The following RNF8 variants were observed in gnomAD, a reference collection of about 807,000 sequenced individuals.
The protein encoded by RNF8 is ring finger protein 8, also known as E3 ubiquitin-protein ligase RNF8.
In RNF8, 8 loss-of-function variants were observed where a neutral mutation model predicts 59.3. The ratio of observed to expected loss-of-function variants is 0.13; its 90% CI spans 0.08 to 0.24. The LOEUF (loss-of-function observed/expected upper bound fraction) is 0.24. Ranked by LOEUF, RNF8 falls within the 10% of genes least tolerant of loss-of-function variation. RNF8 has a pLI of 1.00. For missense variants in RNF8, 406 were observed against 572.6 expected, an observed-to-expected ratio of 0.71 and a Z score of 2.97; for synonymous variants, 162 against 200.0, an observed-to-expected ratio of 0.81 and a Z score of 1.60.
chr6:37,381,029 G>A, intron 6 of RNF8, 121 bp from the exon 7 acceptor site: 1 of 830,036 alleles, frequency 1.2e-6, no homozygotes, highest in South Asian at 1.5e-5. Flanking sequence ...CTTAAGATGG[G>A]ATTGTTGTTA....
chr6:37,362,575 TC>T (rs1769369467), intron 2 of RNF8, among the ~76,000 whole-genome samples: 1 of 152,112 alleles, frequency 6.6e-6, no homozygotes, highest in African/African-American at 2.4e-5. Flanking sequence ...TACAAGTAAA[TC>T]CCCCCTGCCC....
chr6:37,387,966 A>G (rs980507177), intron 7 of RNF8, among the ~76,000 whole-genome samples: 2 of 152,200 alleles, frequency 1.3e-5, no homozygotes, highest in Non-Finnish European at 2.9e-5. Context: ...TGGGTCATGC[A>G]GGGTGTTACA....
intron 7 of RNF8, among the ~76,000 whole-genome samples, chr6:37,387,406 T>A (rs1283393116): frequency 6.6e-6 from 1 of 152,192 alleles, no homozygotes; most frequent in Non-Finnish European, 1.5e-5. Context: ...AGTGGCATGA[T>A]CTCAGCTCAC....
chr6:37,357,900 G>A (rs1769179259), intron 1 of RNF8, among the ~76,000 whole-genome samples: 1 of 152,202 alleles, frequency 6.6e-6, no homozygotes, highest in African/African-American at 2.4e-5. Flanking sequence ...AAACAAGACA[G>A]ATAAAGTCCC....
intron 5 of RNF8, 65 bp from the exon 6 acceptor site, chr6:37,376,861 C>G: frequency 1.0e-6 from 1 of 972,084 alleles, no homozygotes; most frequent in Non-Finnish European, 1.7e-6. Context: ...ATTGACCCTG[C>G]TCCCTGTCCC....
chr6:37,381,139 T>A lies in RNF8; in HGVS notation c.1237-11T>A. 1 of 1,611,132 alleles carries A rather than the reference T, an allele frequency of 6.2e-7. No individual in the cohort carries two copies. The highest frequency in any genetic ancestry group is 8.5e-7 in the Non-Finnish European group (1 of 1,177,236). On this transcript the variant is annotated splice_polypyrimidine_tract_variant and intron_variant, in intron 6 of 7. Transcript: ENST00000373479. ...AAAGTTCTGATATGTGTGTCCACAT[T>A]CCTACTGTAGGCTGTCACCTTGAAC... is the stretch of plus-strand genomic sequence containing the variant.
At chr6:37,359,491 G>T in intron 1 of RNF8, 1 of 188,262 alleles carries the variant, frequency 5.3e-6, no homozygotes, top group Non-Finnish European at 1.1e-5. Context: ...CTGATCTGAT[G>T]GCAGATTAAA....
At position 37,390,763 on chromosome 6, in the gene RNF8, C is replaced by T. The variant is rs371527493; in HGVS notation, c.*5C>T. On this transcript the variant is annotated 3_prime_UTR_variant, in exon 8 of 8. Coordinates refer to ENST00000373479, the MANE Select transcript of RNF8 (RefSeq NM_003958.4). ...AAAGCAAAGAGATTGTTCTGAAGACCGTGCTCTAAGGGCATTTGAAAGACT... is the reference window on the plus strand; with the variant it reads ...AAAGCAAAGAGATTGTTCTGAAGACTGTGCTCTAAGGGCATTTGAAAGACT... 5 of 1,613,394 alleles carry T rather than the reference C, an allele frequency of 3.1e-6. No homozygotes were observed. Among genetic ancestry groups the T allele is most frequent in the African/African-American group, 2.7e-5 (2 of 74,906 alleles).
intron 5 of RNF8, 146 bp downstream of exon 5, chr6:37,374,855 C>A: frequency 1.6e-6 from 1 of 615,954 alleles, no homozygotes; most frequent in Non-Finnish European, 2.9e-6. Context: ...ATTATAGAGG[C>A]CTATAGCAGG....
intron 2 of RNF8, among the ~76,000 whole-genome samples, chr6:37,365,062 C>T (rs1434158539): frequency 6.6e-6 from 1 of 152,162 alleles, no homozygotes; most frequent in Non-Finnish European, 1.5e-5. Flanking sequence ...AGCCACCACA[C>T]CTGGCCTGTA....
intron 1 of RNF8, chr6:37,359,194 A>G (rs922629603): frequency 1.5e-5 from 7 of 454,936 alleles, no homozygotes; most frequent in Non-Finnish European, 3.1e-5. Context: ...GTTGTTATGA[A>G]CTAGACTGGT....
intron 2 of RNF8, among the ~76,000 whole-genome samples, chr6:37,368,000 G>A (rs1040026519): frequency 6.6e-6 from 1 of 152,178 alleles, no homozygotes; most frequent in Non-Finnish European, 1.5e-5. Context: ...ACCAGATATA[G>A]TACTCTCTTT....
intron 7 of RNF8, among the ~76,000 whole-genome samples, chr6:37,388,773 C>CAA (rs34628683): frequency 4.8e-4 from 65 of 135,718 alleles, no homozygotes; most frequent in South Asian, 2.1e-3. Flanking sequence ...ACCCCCATCT[C>CAA]AAAAAAAAAA....
chr6:37,381,324 C>T lies in RNF8; in HGVS notation c.1411C>T (p.Arg471Ter), dbSNP rs775771459. The change falls in exon 7 of 8, where the codon CGA becomes TGA. Residue 471 changes from arginine to a stop codon, truncating the protein, a stop_gained. Coordinates refer to ENST00000373479, the MANE Select transcript of RNF8 (RefSeq NM_003958.4). LOFTEE classifies it high-confidence loss of function. The stretch of plus-strand genomic sequence containing the variant: ...TAATCTGAGCTCAGAAGTGAAAGAA[C>T]GACGAATTGTTCTCATTAGGGAACG... Reference protein sequence around the residue: ...VNNLSSEVKERRIVLIRERKA... With the variant: ...VNNLSSEVKE The T allele has an allele frequency of 1.2e-6, 2 of 1,614,142 alleles. No homozygotes were observed. Among genetic ancestry groups the T allele is most frequent in the South Asian group, 1.1e-5 (1 of 91,082 alleles).
rs1238469148 is a variant in RNF8 at position 37,390,736 on chromosome 6, C to A, written c.1442-6C>A. 8 of 1,607,668 alleles carry A rather than the reference C, an allele frequency of 5.0e-6. No homozygotes were observed. Among genetic ancestry groups the A allele is most frequent in the Non-Finnish European group, 6.8e-6 (8 of 1,174,880 alleles). ...ATTTATTTATTTCTCTTCTTTTTCTCCAAAGCAAAGAGATTGTTCTGAAGA... is the reference window on the plus strand; with the variant it reads ...ATTTATTTATTTCTCTTCTTTTTCTACAAAGCAAAGAGATTGTTCTGAAGA... On this transcript the variant is annotated splice_region_variant and splice_polypyrimidine_tract_variant and intron_variant, in intron 7 of 7. Transcript: ENST00000373479.
intron 4 of RNF8, among the ~76,000 whole-genome samples, chr6:37,371,945 T>C (rs959348666): frequency 3.3e-5 from 5 of 152,222 alleles, no homozygotes; most frequent in African/African-American, 4.8e-5. Context: ...GTTACCGCAA[T>C]GTTCCTGAGC....
Position 37,381,133 on chromosome 6 carries a change from C to G in RNF8, c.1237-17C>G, listed in dbSNP as rs1326937019. ...AGCATGAAAGTTCTGATATGTGTGT[C>G]CACATTCCTACTGTAGGCTGTCACC... On this transcript the variant is annotated splice_polypyrimidine_tract_variant and intron_variant, in intron 6 of 7. Coordinates refer to ENST00000373479, the MANE Select transcript of RNF8 (RefSeq NM_003958.4). 6.2e-7 allele frequency: 1 copy of G among 1,603,690 alleles called. No individual in the cohort carries two copies. Among genetic ancestry groups the G allele is most frequent in the East Asian group, 2.2e-5 (1 of 44,804 alleles).
At chr6:37,364,774 T>G (rs1036795092) in intron 2 of RNF8, among the ~76,000 whole-genome samples, 2 of 152,226 alleles carry the variant, frequency 1.3e-5, no homozygotes, top group Admixed American at 6.5e-5. Flanking sequence ...TTATTTTTTT[T>G]GTTTTTATAT....
intron 7 of RNF8, among the ~76,000 whole-genome samples, chr6:37,387,385 A>T (rs1324043722): frequency 6.6e-6 from 1 of 152,138 alleles, no homozygotes; most frequent in South Asian, 2.1e-4. Flanking sequence ...TCTGTCACCC[A>T]GGCTGAGTGC....
Sources: gnomAD v4.1 joint callset for allele counts (sites outside exome capture counted in the v4.1 genomes callset) on GRCh38, gnomAD v4.1.1 for gene constraint, MANE v1.5 for transcripts, NCBI Gene and HGNC (gene_info 2026-07-23, HGNC 2026-07-21) for gene names.